The following GRM1 variants were observed in gnomAD, a reference collection of about 807,000 sequenced individuals.
The protein encoded by GRM1 is glutamate metabotropic receptor 1.
GRM1 carries 33 observed loss-of-function variants against 90.9 expected under a neutral mutation model. The ratio of observed to expected loss-of-function variants is 0.36; its 90% CI spans 0.28 to 0.49. The LOEUF (loss-of-function observed/expected upper bound fraction) is 0.49. Ranked by LOEUF, GRM1 falls within the 20% of genes least tolerant of loss-of-function variation. The pLI is 0.99. For synonymous variants in GRM1, 700 were observed against 613.2 expected (o/e 1.14, Z -2.09); for missense variants, 1,190 against 1,534.3 (o/e 0.78, Z 3.75).
chr6:146,232,493 A>AAT (rs1780481806), intron 2 of GRM1, among the ~76,000 whole-genome samples: 1 of 152,108 alleles, frequency 6.6e-6, no homozygotes, highest in African/African-American at 2.4e-5. Flanking sequence ...AGAATGAGAT[A>AAT]TCCATTCCCT....
intron 2 of GRM1, among the ~76,000 whole-genome samples, chr6:146,207,498 T>G (rs923934254): frequency 1.3e-5 from 2 of 152,194 alleles, no homozygotes; most frequent in African/African-American, 4.8e-5. Flanking sequence ...ATTGGACCAT[T>G]GTCAGATGAA....
rs1481040651 is a variant in GRM1, at chr6:146,267,635, G to T, written c.951-36976G>T. Among the ~76,000 whole-genome samples, 7 of 131,066 alleles carry T rather than the reference G, an allele frequency of 5.3e-5. 1 individual carries two copies. Among genetic ancestry groups the T allele is most frequent in the African/African-American group, 2.7e-4 (7 of 25,822 alleles). The allele number at this position is 131,066 out of a possible 152,430, so 86.0% of individuals were successfully genotyped here. On this transcript the variant is annotated intron_variant, in intron 2 of 7. Transcript: ENST00000282753. ...GTAGGCTGGGAGGCTGGGCTGGGCT[G>T]GGCTGCGCTGGGCTGGGCTGGGCTG...
chr6:146,129,760 T>C (rs1043247242), intron 1 of GRM1, among the ~76,000 whole-genome samples: 9 of 152,196 alleles, frequency 5.9e-5, no homozygotes, highest in East Asian at 5.8e-4. Context: ...CAGACACTTC[T>C]GCAACAGAAA....
At chr6:146,053,482 A>G (rs1458233811) in intron 1 of GRM1, among the ~76,000 whole-genome samples, 1 of 152,106 alleles carries the variant, frequency 6.6e-6, no homozygotes, top group South Asian at 2.1e-4. Flanking sequence ...GGCTGAAGGG[A>G]TTTCAGATTA....
chr6:146,067,902 TA>T (rs1301279395), intron 1 of GRM1, among the ~76,000 whole-genome samples: 3 of 152,214 alleles, frequency 2.0e-5, no homozygotes, highest in African/African-American at 7.2e-5. Context: ...ATTCTCATAA[TA>T]GAGAAAATAA....
chr6:146,225,738 CACTTAAATA>C (rs1780217842), intron 2 of GRM1, among the ~76,000 whole-genome samples: 1 of 152,034 alleles, frequency 6.6e-6, no homozygotes, highest in Non-Finnish European at 1.5e-5. Context: ...GCACTGAGTA[CACTTAAATA>C]ATGGGATTAT....
intron 5 of GRM1, among the ~76,000 whole-genome samples, chr6:146,372,465 T>C (rs1014211762): frequency 1.1e-4 from 17 of 152,122 alleles, no homozygotes; most frequent in African/African-American, 3.9e-4. Context: ...ATTTCTTACT[T>C]GATGTGATCC....
intron 1 of GRM1, among the ~76,000 whole-genome samples, chr6:146,039,545 A>G (rs145283597): frequency 1.3e-5 from 2 of 152,096 alleles, no homozygotes; most frequent in African/African-American, 4.8e-5. Flanking sequence ...AGAAATCAAG[A>G]TCAGATTATA....
intron 2 of GRM1, among the ~76,000 whole-genome samples, chr6:146,160,303 A>C (rs964522541): frequency 6.6e-6 from 1 of 152,150 alleles, no homozygotes; most frequent in African/African-American, 2.4e-5. Context: ...TGATTTCTGG[A>C]ATTGCTGGTG....
rs1466092152 is a variant in GRM1 at position 146,414,914 on chromosome 6, G to C, written c.2660+15215G>C. Among the ~76,000 whole-genome samples the C allele has an allele frequency of 7.2e-5, 11 of 152,118 alleles. No individual in the cohort carries two copies. The South Asian group carries it at 2.1e-3, about 29-fold the overall frequency. Reference sequence around the variant, plus strand: ...AAACCTTGCCTATTCCCAGATCATAGAGATATTCTCCTGTGTTTTTTCTAG... The same window carrying C: ...AAACCTTGCCTATTCCCAGATCATACAGATATTCTCCTGTGTTTTTTCTAG... On this transcript the variant is annotated intron_variant, in intron 7 of 7. Coordinates refer to ENST00000282753, the MANE Select transcript of GRM1 (RefSeq NM_001278064.2).
chr6:146,072,457 T>A (rs1776046974), intron 1 of GRM1, among the ~76,000 whole-genome samples: 1 of 152,180 alleles, frequency 6.6e-6, no homozygotes, highest in Non-Finnish European at 1.5e-5. Flanking sequence ...TGGATAAAAC[T>A]TTTTACTTTC....
At chr6:146,251,182 TA>T (rs889730966) in intron 2 of GRM1, among the ~76,000 whole-genome samples, 12 of 152,326 alleles carry the variant, frequency 7.9e-5, no homozygotes, top group Admixed American at 6.5e-4. Context: ...TTGCCTACAT[TA>T]AAACCATAAA....
At chr6:146,230,376 A>C (rs1216586982) in intron 2 of GRM1, among the ~76,000 whole-genome samples, 4 of 152,204 alleles carry the variant, frequency 2.6e-5, no homozygotes, top group African/African-American at 9.6e-5. Flanking sequence ...ACCTCACCGA[A>C]GAAGGTATAC....
intron 2 of GRM1, among the ~76,000 whole-genome samples, chr6:146,216,747 C>A (rs765846500): frequency 2.0e-5 from 3 of 152,202 alleles, no homozygotes; most frequent in Non-Finnish European, 2.9e-5. Flanking sequence ...CCACCTCACA[C>A]GCTGAAGTCA....
At chr6:146,099,363 G>A (rs945092623) in intron 1 of GRM1, among the ~76,000 whole-genome samples, 2 of 152,176 alleles carry the variant, frequency 1.3e-5, no homozygotes, top group East Asian at 1.9e-4. Flanking sequence ...GGAACAGAGC[G>A]AGACCCTGTC....
intron 3 of GRM1, among the ~76,000 whole-genome samples, chr6:146,322,497 C>T (rs1784230680): frequency 6.6e-6 from 1 of 152,202 alleles, no homozygotes; most frequent in Admixed American, 6.5e-5. Flanking sequence ...GACCCACAAG[C>T]TCCCCTTCCC....
At chr6:146,204,714 A>C (rs1437294350) in intron 2 of GRM1, among the ~76,000 whole-genome samples, 1 of 152,230 alleles carries the variant, frequency 6.6e-6, no homozygotes, top group Non-Finnish European at 1.5e-5. Context: ...TTGGAAGAGT[A>C]TATTGAACTT....
intron 1 of GRM1, among the ~76,000 whole-genome samples, chr6:146,062,358 G>C (rs1447108855): frequency 4.8e-5 from 3 of 61,948 alleles, no homozygotes; most frequent in Admixed American, 1.3e-4. Context: ...TAGGGGGCTA[G>C]GGGAGGGATA....
At chr6:146,268,255 G>C (rs1247458406) in intron 2 of GRM1, among the ~76,000 whole-genome samples, 2 of 152,086 alleles carry the variant, frequency 1.3e-5, no homozygotes, top group Admixed American at 1.3e-4. Context: ...TTAAGCCCCC[G>C]ACCTACAGTA....
Sources: allele counts gnomAD v4.1 joint callset (sites outside exome capture counted in the v4.1 genomes callset), GRCh38; gene constraint gnomAD v4.1.1; transcripts MANE v1.5; gene names NCBI Gene and HGNC (gene_info 2026-07-23, HGNC 2026-07-21).